The following ASAP2 variants were observed in gnomAD, a reference collection of about 807,000 sequenced individuals.
ASAP2 encodes ArfGAP with SH3 domain, ankyrin repeat and PH domain 2.
In ASAP2, 45 loss-of-function variants were observed where a neutral mutation model predicts 131.4. The observed-to-expected ratio is 0.34, with a 90% CI of 0.27 to 0.44. ASAP2 has a LOEUF of 0.44. Among genes scored for constraint, ASAP2 ranks in the 20% least tolerant of loss-of-function variants. The probability of loss-of-function intolerance (pLI) is 1.00; values close to 1 mark genes in which losing one functional copy is unlikely to be tolerated. For synonymous variants in ASAP2, 510 were observed against 503.0 expected (o/e 1.01, Z -0.19); for missense variants, 1,011 against 1,297.0 (o/e 0.78, Z 3.39).
At chr2:9,380,618 T>G in intron 19 of ASAP2, 123 bp from the exon 20 acceptor site, 1 of 899,112 alleles carries the variant, frequency 1.1e-6, no homozygotes, top group Non-Finnish European at 1.9e-6. Context: ...TCACTGTGGA[T>G]TTCATTAACC....
At chr2:9,260,881 C>T (rs1665530913) in intron 1 of ASAP2, among the ~76,000 whole-genome samples, 1 of 152,216 alleles carries the variant, frequency 6.6e-6, no homozygotes, top group South Asian at 2.1e-4. Flanking sequence ...CCTACTCTAT[C>T]TGCTTCTCCG....
chr2:9,309,963 C>T (rs1669194758), intron 3 of ASAP2, among the ~76,000 whole-genome samples: 1 of 152,228 alleles, frequency 6.6e-6, no homozygotes, highest in Non-Finnish European at 1.5e-5. Context: ...GCCGTGAGCT[C>T]TGGCTCCTGG....
chr2:9,310,002 G>T (rs1016282005), intron 3 of ASAP2, among the ~76,000 whole-genome samples: 1 of 152,198 alleles, frequency 6.6e-6, no homozygotes, highest in African/African-American at 2.4e-5. Context: ...AGCACTGGAA[G>T]GCTGTTTCAC....
chr2:9,341,524 C>T (rs758828370), intron 9 of ASAP2, among the ~76,000 whole-genome samples: 2 of 152,170 alleles, frequency 1.3e-5, no homozygotes, highest in Non-Finnish European at 2.9e-5. Flanking sequence ...ACCTGAAAAT[C>T]GCTCTGATTA....
chr2:9,316,959 A>C (rs1187883913), intron 3 of ASAP2, among the ~76,000 whole-genome samples: 1 of 80,528 alleles, frequency 1.2e-5, no homozygotes, highest in Non-Finnish European at 2.5e-5. Context: ...ACACCCTCCC[A>C]CACACCCCCC....
In ASAP2 at chr2:9,273,511, G is replaced by C. The variant is rs544984764; in HGVS notation, c.127-5806G>C. The stretch of plus-strand genomic sequence containing the variant: ...ACAGGGGAACTGCAGTAGAGGAAGA[G>C]TAATTCACGCAGAGCCAGCTGTGCA... On this transcript the variant is annotated intron_variant, in intron 1 of 27. Coordinates refer to ENST00000281419, the MANE Select transcript of ASAP2 (RefSeq NM_003887.3). 1.1e-4 allele frequency among the ~76,000 whole-genome samples: 16 copies of C among 152,334 alleles called. No individual in the cohort carries two copies. In the South Asian group the frequency reaches 2.9e-3, roughly 28 times the overall value.
intron 1 of ASAP2, among the ~76,000 whole-genome samples, chr2:9,211,224 C>T (rs1358334193): frequency 8.6e-5 from 13 of 151,816 alleles, no homozygotes; most frequent in Non-Finnish European, 2.9e-5. Flanking sequence ...TAATTTTTCA[C>T]TTGACCACCT....
chr2:9,383,063 A>G (rs745946863), intron 20 of ASAP2, among the ~76,000 whole-genome samples: 2 of 151,228 alleles, frequency 1.3e-5, no homozygotes, highest in Non-Finnish European at 2.9e-5. Context: ...AAATCATAAG[A>G]GTATGAGAAA....
chr2:9,397,852 G>A (rs62118807), intron 24 of ASAP2, among the ~76,000 whole-genome samples: 26,851 of 139,506 alleles, frequency 0.19, 4,142 homozygotes, highest in African/African-American at 0.44. Flanking sequence ...TCCGCCTCCC[G>A]GGTTCACGCC....
chr2:9,219,680 A>T (rs540466352), intron 1 of ASAP2, among the ~76,000 whole-genome samples: 158 of 151,672 alleles, frequency 1.0e-3, no homozygotes, highest in Non-Finnish European at 1.8e-3. Context: ...TTGCTTTTTT[A>T]AAAAAAAATT....
chr2:9,333,706 C>T (rs1558340095), intron 7 of ASAP2, among the ~76,000 whole-genome samples: 1 of 152,128 alleles, frequency 6.6e-6, no homozygotes, highest in East Asian at 1.9e-4. Flanking sequence ...GGCCTCATTA[C>T]AGGTTAGAAC....
chr2:9,308,674 C>T (rs909834846), intron 3 of ASAP2, among the ~76,000 whole-genome samples: 116 of 152,264 alleles, frequency 7.6e-4, no homozygotes, highest in African/African-American at 2.7e-3. Flanking sequence ...AGTTTCAGTC[C>T]AGCCGTCTTT....
At chr2:9,372,161 G>T (rs1674025029) in intron 16 of ASAP2, among the ~76,000 whole-genome samples, 1 of 152,164 alleles carries the variant, frequency 6.6e-6, no homozygotes, top group Non-Finnish European at 1.5e-5. Context: ...CCACAGTGAT[G>T]ATTGAAAGTG....
intron 15 of ASAP2, among the ~76,000 whole-genome samples, chr2:9,359,415 A>G (rs1672943605): frequency 6.6e-6 from 1 of 152,190 alleles, no homozygotes; most frequent in Non-Finnish European, 1.5e-5. Flanking sequence ...AAGCCATGTG[A>G]TAGAGATAGG....
Position 9,397,188 on chromosome 2 carries a change from G to A in ASAP2, c.2685-2835G>A, listed in dbSNP as rs146515642. Among the ~76,000 whole-genome samples, 218 of 152,176 alleles carry A rather than the reference G, an allele frequency of 1.4e-3. 1 individual carries two copies. The highest frequency in any genetic ancestry group is 5.0e-3 in the African/African-American group (209 of 41,496). On this transcript the variant is annotated intron_variant, in intron 24 of 27. Coordinates refer to ENST00000281419, the MANE Select transcript of ASAP2 (RefSeq NM_003887.3). ...TCCCTTATGACTCCCTGGGATTTAC[G>A]CTTTCCATGCTGCTGTTTTTCGAGA...
intron 2 of ASAP2, among the ~76,000 whole-genome samples, chr2:9,290,971 A>G (rs1667772310): frequency 6.6e-6 from 1 of 152,212 alleles, no homozygotes; most frequent in Admixed American, 6.5e-5. Context: ...TTGATGTATT[A>G]TCTTTTCAAC....
intron 15 of ASAP2, 41 bp from the exon 16 acceptor site, chr2:9,368,383 AT>A (rs759843844): frequency 1.3e-6 from 2 of 1,527,802 alleles, no homozygotes; most frequent in Non-Finnish European, 1.8e-6. Context: ...AGTAGAATGT[AT>A]TAATAATTGA....
In ASAP2 at chr2:9,264,753, G is replaced by T. The variant is rs1166414262; in HGVS notation, c.127-14564G>T. Among the ~76,000 whole-genome samples the T allele has an allele frequency of 2.0e-5, 3 of 151,958 alleles. No homozygotes were observed. In the East Asian group the frequency reaches 5.8e-4, roughly 29 times the overall value. ...GTACCATTGGCCCTCTGCACTTGTG[G>T]GTTTTGCATCCTCGTGTTCAGTCAC... On this transcript the variant is annotated intron_variant, in intron 1 of 27. Transcript: ENST00000281419.
intron 1 of ASAP2, among the ~76,000 whole-genome samples, chr2:9,274,404 C>A (rs571306800): frequency 7.8e-5 from 11 of 141,782 alleles, no homozygotes; most frequent in African/African-American, 2.6e-4. Context: ...CTCACTGCAA[C>A]CTTTGTCCCC....
Sources: allele counts gnomAD v4.1 joint callset (sites outside exome capture counted in the v4.1 genomes callset), GRCh38; gene constraint gnomAD v4.1.1; transcripts MANE v1.5; gene names NCBI Gene and HGNC (gene_info 2026-07-23, HGNC 2026-07-21).